Variants in FIGN observed in about 807,000 individuals in gnomAD.
FIGN encodes fidgetin.
In FIGN, 11 loss-of-function variants were observed where a neutral mutation model predicts 51.3. The ratio of observed to expected loss-of-function variants is 0.21; its 90% CI spans 0.13 to 0.35. FIGN has a LOEUF of 0.35. FIGN is among the 10% of genes least tolerant of loss of function. The pLI is 1.00. For synonymous variants in FIGN, 407 were observed against 363.2 expected, an observed-to-expected ratio of 1.12 and a Z score of -1.37; for missense variants, 857 against 943.6, an observed-to-expected ratio of 0.91 and a Z score of 1.20.
Position 163,610,408 on chromosome 2 carries a change from T to C in FIGN, c.1424A>G (p.Glu475Gly). The change falls in exon 3 of 3, where the codon GAG (glutamate) becomes GGG (glycine). Residue 475 changes from glutamate (E) to glycine (G), a missense_variant. This residue lies in a region of FIGN where 799 missense variants were observed against 849.5 expected (regional missense o/e 0.94). Coordinates refer to ENST00000333129, the MANE Select transcript of FIGN (RefSeq NM_018086.4). ...CACTGGAGGTCCTTGGGTGATAATCTCATTGGTTACCAGGTCGATGAGGTG... is the reference window on the plus strand; with the variant it reads ...CACTGGAGGTCCTTGGGTGATAATCCCATTGGTTACCAGGTCGATGAGGTG... ...DTHLIDLVTN[E>G]IITQGPPVDW... 6.2e-7 allele frequency: 1 copy of C among 1,614,092 alleles called. No homozygotes were observed. The highest frequency in any genetic ancestry group is 8.5e-7 in the Non-Finnish European group (1 of 1,180,026).
intron 2 of FIGN, among the ~76,000 whole-genome samples, chr2:163,702,354 C>G (rs997856832): frequency 6.6e-6 from 1 of 152,170 alleles, no homozygotes; most frequent in Non-Finnish European, 1.5e-5. Context: ...TTCAGACACA[C>G]TGTTCAGTGT....
intron 2 of FIGN, among the ~76,000 whole-genome samples, chr2:163,698,397 C>G (rs987652497): frequency 1.3e-5 from 2 of 152,046 alleles, no homozygotes; most frequent in Non-Finnish European, 2.9e-5. Flanking sequence ...CTCCTTCCCC[C>G]TCCCTGGCGC....
At position 163,603,036 on chromosome 2, in the gene FIGN, T is replaced by C. The variant is rs796147932; in HGVS notation, c.*6516A>G. The C allele has an allele frequency of 1.3e-5, 2 of 152,002 alleles. No individual in the cohort carries two copies. The highest frequency in any genetic ancestry group is 4.8e-5 in the African/African-American group (2 of 41,504). 9.4% of individuals were successfully genotyped at this position (152,002 alleles called of 1,614,324 possible). ...CAACCATATAATGATCCCATCAAAA[T>C]AAAAAAAATCTAAGCAGAAATGTCT... On this transcript the variant is annotated 3_prime_UTR_variant, in exon 3 of 3. Coordinates refer to ENST00000333129, the MANE Select transcript of FIGN (RefSeq NM_018086.4).
In FIGN at chr2:163,605,055, A is replaced by AT. The variant is rs1251053936; in HGVS notation, c.*4496dup. 6.9e-6 allele frequency: 1 copy of AT among 144,336 alleles called. No homozygotes were observed. The allele number at this position is 144,336 out of a possible 1,614,324, so 8.9% of individuals were successfully genotyped here. A position where few individuals can be genotyped will look rare whatever the true frequency, so the allele number is the denominator to read the frequency against. ...AACATTCTATAGGACTGATTCATAT[A>AT]TTCTCACACAACTCTGTGGCAAGGC... is the stretch of plus-strand genomic sequence containing the variant. On this transcript the variant is annotated 3_prime_UTR_variant, in exon 3 of 3. Coordinates refer to ENST00000333129, the MANE Select transcript of FIGN (RefSeq NM_018086.4).
intron 2 of FIGN, among the ~76,000 whole-genome samples, chr2:163,712,819 G>C (rs1196916253): frequency 6.6e-6 from 1 of 152,006 alleles, no homozygotes; most frequent in African/African-American, 2.4e-5. Flanking sequence ...CAAAAGAAAT[G>C]GACTATTATG....
chr2:163,665,745 G>C (rs1224188201), intron 2 of FIGN, among the ~76,000 whole-genome samples: 3 of 152,176 alleles, frequency 2.0e-5, no homozygotes, highest in Non-Finnish European at 4.4e-5. Context: ...AGAATGTAGA[G>C]AGGGCTTTTG....
Position 163,607,087 on chromosome 2 carries a change from T to G in FIGN, c.*2465A>C, listed in dbSNP as rs1691126267. On this transcript the variant is annotated 3_prime_UTR_variant, in exon 3 of 3. Coordinates refer to ENST00000333129, the MANE Select transcript of FIGN (RefSeq NM_018086.4). ...AAAGTTGTCTAAATAAGACTGGGTT[T>G]GTCAAAACTTGCCAGACGCTTTCAA... 1 of 152,226 alleles carries G rather than the reference T, an allele frequency of 6.6e-6. No individual in the cohort carries two copies. The highest frequency in any genetic ancestry group is 2.4e-5 in the African/African-American group (1 of 41,456). The allele number at this position is 152,226 out of a possible 1,614,324, so 9.4% of individuals were successfully genotyped here.
chr2:163,702,368 C>T (rs889558328), intron 2 of FIGN, among the ~76,000 whole-genome samples: 2 of 152,156 alleles, frequency 1.3e-5, no homozygotes, highest in African/African-American at 4.8e-5. Context: ...TCAGTGTCAC[C>T]TTCACATACA....
chr2:163,705,693 T>C (rs1198406270), intron 2 of FIGN, among the ~76,000 whole-genome samples: 1 of 151,894 alleles, frequency 6.6e-6, no homozygotes, highest in South Asian at 2.1e-4. Flanking sequence ...TCCCCACAAC[T>C]CTCAAGCAGC....
rs575574955 is a variant in FIGN, at chr2:163,637,561, A to G, written c.26-25755T>C. Reference sequence around the variant, plus strand: ...ACAAAATTGTAGGTTCAGTCATATCAAAATGAGATTTATGCCAAAATAGAT... The same window carrying G: ...ACAAAATTGTAGGTTCAGTCATATCGAAATGAGATTTATGCCAAAATAGAT... On this transcript the variant is annotated intron_variant, in intron 2 of 2. Transcript: ENST00000333129. Among the ~76,000 whole-genome samples, 34 of 152,358 alleles carry G rather than the reference A, an allele frequency of 2.2e-4. 1 individual carries two copies. The South Asian group carries it at 2.5e-3, about 11-fold the overall frequency.
chr2:163,722,097 T>G lies in FIGN; in HGVS notation c.25+12806A>C, dbSNP rs137991368. On this transcript the variant is annotated intron_variant, in intron 2 of 2. Transcript: ENST00000333129. ...CACACAAACCCAACTGGTAAAGCTA[T>G]TGAACACCTAAAAGAGCTATTGGGT... is the stretch of plus-strand genomic sequence containing the variant. Among the ~76,000 whole-genome samples, 336 of 152,306 alleles carry G rather than the reference T, an allele frequency of 2.2e-3. 3 individuals carry two copies. Among genetic ancestry groups the G allele is most frequent in the African/African-American group, 7.5e-3 (312 of 41,558 alleles).
chr2:163,633,303 T>C (rs955440179), intron 2 of FIGN, among the ~76,000 whole-genome samples: 15 of 152,354 alleles, frequency 9.8e-5, no homozygotes, highest in African/African-American at 3.4e-4. Context: ...AGCTAACTTT[T>C]GTTCCACTTT....
At chr2:163,623,817 C>T (rs1258134660) in intron 2 of FIGN, among the ~76,000 whole-genome samples, 2 of 151,972 alleles carry the variant, frequency 1.3e-5, no homozygotes, top group African/African-American at 2.4e-5. Flanking sequence ...GCTTCTACAC[C>T]CAGCCATTGT....
At chr2:163,704,177 A>G (rs1684454369) in intron 2 of FIGN, among the ~76,000 whole-genome samples, 1 of 152,154 alleles carries the variant, frequency 6.6e-6, no homozygotes, top group East Asian at 1.9e-4. Context: ...AGGTGATTGA[A>G]GGGTACAGTA....
chr2:163,702,467 A>T (rs1684423275), intron 2 of FIGN, among the ~76,000 whole-genome samples: 1 of 152,110 alleles, frequency 6.6e-6, no homozygotes, highest in South Asian at 2.1e-4. Flanking sequence ...CATTTATAAC[A>T]TTGTGAATCT....
In FIGN at chr2:163,668,014, A is replaced by ACCCC. The variant is rs57547572; in HGVS notation, c.26-56212_26-56209dup. ...AGGAAAGAGAACACCCCTACCTCCA[A>ACCCC]CCCCCCCCCCCAAAAAACCCTCCAC... On this transcript the variant is annotated intron_variant, in intron 2 of 2. Coordinates refer to ENST00000333129, the MANE Select transcript of FIGN (RefSeq NM_018086.4). Among the ~76,000 whole-genome samples, 543 of 106,776 alleles carry ACCCC rather than the reference A, an allele frequency of 5.1e-3. 38 individuals carry two copies. The highest frequency in any genetic ancestry group is 0.025 in the East Asian group (64 of 2,598). The allele number at this position is 106,776 out of a possible 152,430, so 70.0% of individuals were successfully genotyped here.
chr2:163,615,596 G>T (rs1176488669), intron 2 of FIGN, among the ~76,000 whole-genome samples: 1 of 152,126 alleles, frequency 6.6e-6, no homozygotes, highest in Non-Finnish European at 1.5e-5. Context: ...AATTATGTGT[G>T]AGTCAGAAGC....
chr2:163,686,981 T>A (rs1167960403), intron 2 of FIGN, among the ~76,000 whole-genome samples: 1 of 150,846 alleles, frequency 6.6e-6, no homozygotes, highest in Non-Finnish European at 1.5e-5. Context: ...TATTAACACA[T>A]TTTATATTAT....
At chr2:163,660,183 A>G (rs1326022869) in intron 2 of FIGN, among the ~76,000 whole-genome samples, 3 of 152,186 alleles carry the variant, frequency 2.0e-5, no homozygotes, top group African/African-American at 7.2e-5. Flanking sequence ...AATAAAAGAA[A>G]TCAACTCCCT....
Sources: allele counts gnomAD v4.1 joint callset (sites outside exome capture counted in the v4.1 genomes callset), GRCh38; gene constraint gnomAD v4.1.1; regional missense constraint gnomAD v4.1.1; transcripts MANE v1.5; gene names NCBI Gene and HGNC (gene_info 2026-07-23, HGNC 2026-07-21).